ELOVL2: variants seen among roughly 807,000 people sequenced by gnomAD.
The protein encoded by ELOVL2 is ELOVL fatty acid elongase 2.
ELOVL2 carries 38 observed loss-of-function variants against 37.7 expected under a neutral mutation model. The ratio of observed to expected loss-of-function variants is 1.01; its 90% confidence interval spans 0.78 to 1.32. The LOEUF is 1.32. Ranked by LOEUF, ELOVL2 falls within the 40% of genes most tolerant of loss-of-function variation. The pLI is 0.00. For missense variants in ELOVL2, 352 were observed against 363.6 expected (o/e 0.97, Z 0.26); for synonymous variants, 115 against 122.3 (o/e 0.94, Z 0.40).
chr6:11,013,284 G>C (rs1196320644), intron 1 of ELOVL2, among the ~76,000 whole-genome samples: 2 of 152,104 alleles, frequency 1.3e-5, no homozygotes, highest in Non-Finnish European at 2.9e-5. Flanking sequence ...ATGAGATGAG[G>C]TGATGTCAGG....
At chr6:11,031,275 T>C (rs956861312) in intron 1 of ELOVL2, among the ~76,000 whole-genome samples, 3 of 152,234 alleles carry the variant, frequency 2.0e-5, no homozygotes, top group African/African-American at 7.2e-5. Flanking sequence ...TGTTTATTAA[T>C]GAGAATTTCT....
At chr6:11,008,385 C>G (rs988055162) in intron 2 of ELOVL2, among the ~76,000 whole-genome samples, 8 of 152,242 alleles carry the variant, frequency 5.3e-5, no homozygotes, top group Non-Finnish European at 1.2e-4. Flanking sequence ...GTGAACTTGG[C>G]GCAGACAAGT....
At chr6:11,018,438 T>C (rs1301459647) in intron 1 of ELOVL2, among the ~76,000 whole-genome samples, 1 of 152,228 alleles carries the variant, frequency 6.6e-6, no homozygotes, top group Non-Finnish European at 1.5e-5. Context: ...TATTGCATCA[T>C]GCTTCAAGAA....
chr6:11,040,606 A>G (rs1484277627), intron 1 of ELOVL2, among the ~76,000 whole-genome samples: 1 of 152,224 alleles, frequency 6.6e-6, no homozygotes, highest in Non-Finnish European at 1.5e-5. Context: ...GATTTATGTT[A>G]TATTTCTATT....
intron 1 of ELOVL2, among the ~76,000 whole-genome samples, chr6:11,033,989 A>G (rs1244550416): frequency 6.6e-6 from 1 of 152,206 alleles, no homozygotes; most frequent in Non-Finnish European, 1.5e-5. Flanking sequence ...ACTATGTGTG[A>G]GTATACATAT....
At chr6:11,043,835 T>G (rs9468308) in intron 1 of ELOVL2, 63,122 of 174,572 alleles carry the variant, frequency 0.36, 14,657 homozygotes, top group African/African-American at 0.68. Flanking sequence ...GGTTCGGGGG[T>G]CCGGAGGGTC....
Position 11,044,031 on chromosome 6 carries a change from C to T in ELOVL2, c.3+197G>A, listed in dbSNP as rs952222399. 2.6e-5 allele frequency among the ~76,000 whole-genome samples: 4 copies of T among 151,270 alleles called. No homozygotes were observed. The highest frequency in any genetic ancestry group is 9.7e-5 in the African/African-American group (4 of 41,246). On this transcript the variant is annotated intron_variant, in intron 1 of 7. Coordinates refer to ENST00000354666, the MANE Select transcript of ELOVL2 (RefSeq NM_017770.4). This position sits in a 1 kb window ranked among gnomAD's most constrained non-coding sequence, Gnocchi z 5.6. The stretch of plus-strand genomic sequence containing the variant: ...CGAGACCCGCGGGCCTCGGGCCGAC[C>T]CGCGCGCCCCCGGCCCAAACGCTCA...
chr6:11,010,091 T>G (rs993086070), intron 2 of ELOVL2, among the ~76,000 whole-genome samples: 84 of 150,528 alleles, frequency 5.6e-4, no homozygotes, highest in Non-Finnish European at 1.0e-3. Flanking sequence ...TGGCGCGATC[T>G]TGGCTCACTG....
intron 3 of ELOVL2, among the ~76,000 whole-genome samples, chr6:11,001,568 T>G (rs1782383079): frequency 6.6e-6 from 1 of 152,236 alleles, no homozygotes; most frequent in Non-Finnish European, 1.5e-5. Flanking sequence ...AGTTCTGTAG[T>G]AAGGGGCTCT....
At chr6:10,984,381 TTAAG>T (rs1253590457) in intron 7 of ELOVL2, among the ~76,000 whole-genome samples, 1 of 152,050 alleles carries the variant, frequency 6.6e-6, no homozygotes, top group Non-Finnish European at 1.5e-5. Flanking sequence ...TTATTATACT[TTAAG>T]TTTTAGGGAA....
chr6:10,986,631 G>T (rs1316244343), intron 7 of ELOVL2, among the ~76,000 whole-genome samples: 1 of 152,036 alleles, frequency 6.6e-6, no homozygotes, highest in African/African-American at 2.4e-5. Flanking sequence ...CTTTGGTTCT[G>T]TTTATATGCT....
At position 11,015,744 on chromosome 6, in the gene ELOVL2, G is replaced by C. The variant is rs992420489; in HGVS notation, c.4-4935C>G. On this transcript the variant is annotated intron_variant, in intron 1 of 7. Transcript: ENST00000354666. ...TTCTGTGGGTAGGTGGGAAACAGAA[G>C]AGCCAAGAAGGACACACTTCTTGGG... 5 of 152,156 alleles carry C rather than the reference G, an allele frequency of 3.3e-5. 1 individual carries two copies. In the Middle Eastern group the frequency reaches 9.5e-3, roughly 289 times the overall value. The allele number at this position is 152,156 out of a possible 1,614,324, so 9.4% of individuals were successfully genotyped here. A position where few individuals can be genotyped will look rare whatever the true frequency, so the allele number is the denominator to read the frequency against.
intron 4 of ELOVL2, among the ~76,000 whole-genome samples, chr6:10,996,674 G>GAA (rs1011818509): frequency 3.8e-5 from 5 of 131,188 alleles, no homozygotes; most frequent in African/African-American, 1.1e-4. Flanking sequence ...CCTCAAAAAA[G>GAA]AAAAAAAAAA....
At chr6:11,019,158 C>T (rs1782728403) in intron 1 of ELOVL2, among the ~76,000 whole-genome samples, 1 of 152,162 alleles carries the variant, frequency 6.6e-6, no homozygotes, top group South Asian at 2.1e-4. Context: ...TTAACTACTG[C>T]TGAAATCAAG....
intron 3 of ELOVL2, among the ~76,000 whole-genome samples, chr6:11,002,775 A>G (rs1437600101): frequency 3.9e-5 from 6 of 151,900 alleles, no homozygotes; most frequent in Admixed American, 3.9e-4. Flanking sequence ...ACATTTACCA[A>G]CTCCTACCCT....
chr6:10,999,593 C>A (rs1782339519), intron 4 of ELOVL2, among the ~76,000 whole-genome samples: 1 of 152,114 alleles, frequency 6.6e-6, no homozygotes, highest in Non-Finnish European at 1.5e-5. Flanking sequence ...CCAGGCTGGT[C>A]TCGAACTCCT....
At chr6:10,984,838 T>A (rs1782017139) in intron 7 of ELOVL2, among the ~76,000 whole-genome samples, 1 of 152,134 alleles carries the variant, frequency 6.6e-6, no homozygotes. Context: ...CATGTGTCTT[T>A]ATAGCAGCAT....
chr6:11,037,014 G>A (rs1241475264), intron 1 of ELOVL2, among the ~76,000 whole-genome samples: 1 of 150,434 alleles, frequency 6.6e-6, no homozygotes, highest in African/African-American at 2.5e-5. Context: ...GGGAGAGAGA[G>A]ACAGAGAGGG....
chr6:10,987,707 T>C (rs1337835088), intron 7 of ELOVL2, among the ~76,000 whole-genome samples: 1 of 152,178 alleles, frequency 6.6e-6, no homozygotes, highest in East Asian at 1.9e-4. Context: ...TTGTATATTG[T>C]GGGGCTGGCA....
Sources: allele counts gnomAD v4.1 joint callset (sites outside exome capture counted in the v4.1 genomes callset), GRCh38; gene constraint gnomAD v4.1.1; non-coding constraint Gnocchi (gnomAD v3.1); transcripts MANE v1.5; gene names NCBI Gene and HGNC (gene_info 2026-07-23, HGNC 2026-07-21).